The following STAG1 variants were observed in gnomAD, a reference collection of about 807,000 sequenced individuals.
STAG1 encodes the protein STAG1 cohesin complex component.
In STAG1, 26 loss-of-function variants were observed where a neutral mutation model predicts 170.9. The observed-to-expected ratio is 0.15, with a 90% confidence interval of 0.11 to 0.21. STAG1 has a LOEUF of 0.21. Ranked by LOEUF, STAG1 falls within the 10% of genes least tolerant of loss-of-function variation. STAG1 has a pLI of 1.00. For missense variants in STAG1, 964 were observed against 1,509.5 expected (o/e 0.64, Z 5.99); for synonymous variants, 514 against 497.7 (o/e 1.03, Z -0.44).
At chr3:136,343,110 C>G (rs2108260257) in intron 30 of STAG1, among the ~76,000 whole-genome samples, 1 of 152,310 alleles carries the variant, frequency 6.6e-6, no homozygotes, top group East Asian at 1.9e-4. Flanking sequence ...AATGAGAGTT[C>G]TCCCTCTTAT....
At chr3:136,379,223 A>G (rs183089685) in intron 22 of STAG1, among the ~76,000 whole-genome samples, 1 of 152,314 alleles carries the variant, frequency 6.6e-6, no homozygotes, top group Non-Finnish European at 1.5e-5. Flanking sequence ...ATAAGAGAAC[A>G]GGCAACTGCA....
At chr3:136,463,750 T>TGC (rs1559817324) in intron 13 of STAG1, among the ~76,000 whole-genome samples, 1 of 82,026 alleles carries the variant, frequency 1.2e-5, no homozygotes, top group East Asian at 3.6e-4. Context: ...TGTGTGTGTG[T>TGC]GTGTGTGTGT....
chr3:136,458,809 A>G (rs1361063923), intron 13 of STAG1, among the ~76,000 whole-genome samples: 2 of 152,260 alleles, frequency 1.3e-5, no homozygotes, highest in African/African-American at 4.8e-5. Flanking sequence ...AGACACACAC[A>G]GACTGAAAGT....
intron 5 of STAG1, among the ~76,000 whole-genome samples, chr3:136,561,831 T>TTC (rs61706433): frequency 2.0e-5 from 3 of 147,468 alleles, no homozygotes; most frequent in African/African-American, 7.4e-5. Context: ...TTTTTTTTTT[T>TTC]CATTTTTGTA....
intron 5 of STAG1, among the ~76,000 whole-genome samples, chr3:136,565,007 A>C (rs180688051): frequency 1.9e-3 from 101 of 54,260 alleles, no homozygotes; most frequent in African/African-American, 8.5e-3. Context: ...GGAAGGAAGG[A>C]AGGAAGGCAG....
Position 136,694,888 on chromosome 3 carries a change from T to G in STAG1, c.-84+57307A>C, listed in dbSNP as rs546628490. On this transcript the variant is annotated intron_variant, in intron 1 of 33. Coordinates refer to ENST00000383202, the MANE Select transcript of STAG1 (RefSeq NM_005862.3). Reference sequence around the variant, plus strand: ...AAATATCATGGAAGAAGAAAAGTTTTGAAAAGTGAGGAAATATCACAATAG... The same window carrying G: ...AAATATCATGGAAGAAGAAAAGTTTGGAAAAGTGAGGAAATATCACAATAG... Among the ~76,000 whole-genome samples the G allele has an allele frequency of 3.5e-3, 527 of 152,236 alleles. 2 individuals are homozygous for G. The highest frequency in any genetic ancestry group is 6.0e-3 in the Non-Finnish European group (406 of 68,008).
At chr3:136,527,075 A>T (rs1176346669) in intron 6 of STAG1, among the ~76,000 whole-genome samples, 1 of 152,038 alleles carries the variant, frequency 6.6e-6, no homozygotes, top group Admixed American at 6.6e-5. Flanking sequence ...TGTGTCTTGG[A>T]GTTGCTCTTC....
intron 1 of STAG1, among the ~76,000 whole-genome samples, chr3:136,747,718 C>G (rs562533260): frequency 2.0e-5 from 3 of 151,122 alleles, no homozygotes; most frequent in East Asian, 3.9e-4. Flanking sequence ...CTCTGAGATT[C>G]AATATCATAT....
At chr3:136,445,697 C>T (rs997128567) in intron 14 of STAG1, among the ~76,000 whole-genome samples, 1 of 152,120 alleles carries the variant, frequency 6.6e-6, no homozygotes, top group Non-Finnish European at 1.5e-5. Flanking sequence ...GATTTACAAT[C>T]GCATATATTT....
At chr3:136,628,940 T>C (rs554863215) in intron 2 of STAG1, among the ~76,000 whole-genome samples, 1 of 152,350 alleles carries the variant, frequency 6.6e-6, no homozygotes, top group East Asian at 1.9e-4. Context: ...GAGTGGTCTT[T>C]ATAGTGTCTA....
chr3:136,554,554 A>C (rs1259166788), intron 5 of STAG1, among the ~76,000 whole-genome samples: 1 of 152,188 alleles, frequency 6.6e-6, no homozygotes, highest in East Asian at 1.9e-4. Context: ...TAAAGAAGAA[A>C]ACAATACAAA....
intron 1 of STAG1, among the ~76,000 whole-genome samples, chr3:136,670,492 G>A (rs1363637225): frequency 6.6e-6 from 1 of 152,086 alleles, no homozygotes; most frequent in Non-Finnish European, 1.5e-5. Context: ...GGTGGGTGGA[G>A]CAGAGAAGGA....
rs561134072 is a variant in STAG1 at position 136,649,203 on chromosome 3, CA to C, written c.-83-18223del. 2.9e-3 allele frequency among the ~76,000 whole-genome samples: 444 copies of C among 152,156 alleles called. 1 individual carries two copies. Among genetic ancestry groups the C allele is most frequent in the African/African-American group, 0.01 (429 of 41,504 alleles). ...TTGAAAGGGTTGTTAATTGAAAGGCCAGGGGCGGTGGCTTGTGCCTGTAATC... is the reference window on the plus strand; with the variant it reads ...TTGAAAGGGTTGTTAATTGAAAGGCCGGGGCGGTGGCTTGTGCCTGTAATC... On this transcript the variant is annotated intron_variant, in intron 1 of 33. Transcript: ENST00000383202.
chr3:136,604,400 C>T lies in STAG1; in HGVS notation c.206G>A (p.Arg69His), dbSNP rs748560053. 6 of 1,613,746 alleles carry T rather than the reference C, an allele frequency of 3.7e-6. No homozygotes were observed. The Admixed American group carries it at 5.0e-5, about 13-fold the overall frequency. Reference protein sequence around the residue: ...RIEAGIRGAGRGRANGHPQQN... With the variant: ...RIEAGIRGAGHGRANGHPQQN... ...TTGAGGGTGTCCATTAGCTCTTCCA[C>T]GGCCTGCTCCTCTAATTCCAGCTTC... The change falls in exon 4 of 34, where the codon CGT becomes CAT. Residue 69 changes from arginine to histidine, a missense_variant. Physicochemically the swap from Arg to His is conservative, Grantham distance 29. This residue lies in a region of STAG1 where 108 missense variants were observed against 120.2 expected (regional missense o/e 0.90). Coordinates refer to ENST00000383202, the MANE Select transcript of STAG1 (RefSeq NM_005862.3).
intron 1 of STAG1, among the ~76,000 whole-genome samples, chr3:136,748,680 G>A (rs1935073565): frequency 1.3e-5 from 2 of 152,148 alleles, no homozygotes; most frequent in African/African-American, 4.8e-5. Context: ...GGGATTACAG[G>A]TGTCAGCCAC....
intron 1 of STAG1, among the ~76,000 whole-genome samples, chr3:136,657,189 CTTTTTTTTTTT>C (rs67826395): frequency 2.2e-5 from 2 of 92,290 alleles, no homozygotes; most frequent in African/African-American, 8.1e-5. Context: ...TTCTTTCTTT[CTTTTTTTTTTT>C]TTTTTTTTTT....
intron 1 of STAG1, among the ~76,000 whole-genome samples, chr3:136,682,364 G>A (rs1942363861): frequency 6.6e-6 from 1 of 151,536 alleles, no homozygotes; most frequent in African/African-American, 2.4e-5. Flanking sequence ...GGCAGAGGTT[G>A]CAGTGAGCCA....
chr3:136,449,803 C>T (rs2088884961), intron 14 of STAG1, among the ~76,000 whole-genome samples: 1 of 151,880 alleles, frequency 6.6e-6, no homozygotes. Context: ...AAACATTTTC[C>T]TTTAATGAAT....
In STAG1 at chr3:136,657,738, C is replaced by T. The variant is rs141307752; in HGVS notation, c.-83-26757G>A. 6.4e-3 allele frequency among the ~76,000 whole-genome samples: 975 copies of T among 152,256 alleles called. 6 individuals are homozygous for T. The highest frequency in any genetic ancestry group is 0.014 in the Middle Eastern group (4 of 294). ...TCCTGAGGCTTAAGTGGGAGGACTACTTGAGCCTGGAAGGCACAGGTTGCA... is the reference window on the plus strand; with the variant it reads ...TCCTGAGGCTTAAGTGGGAGGACTATTTGAGCCTGGAAGGCACAGGTTGCA... On this transcript the variant is annotated intron_variant, in intron 1 of 33. Transcript: ENST00000383202.
Sources: allele counts gnomAD v4.1 joint callset (sites outside exome capture counted in the v4.1 genomes callset), GRCh38; gene constraint gnomAD v4.1.1; regional missense constraint gnomAD v4.1.1; transcripts MANE v1.5; gene names NCBI Gene and HGNC (gene_info 2026-07-23, HGNC 2026-07-21).